LTBP1: variants seen among roughly 807,000 people sequenced by gnomAD.
The protein encoded by LTBP1 is latent-transforming growth factor beta-binding protein 1.
LTBP1 carries 129 observed loss-of-function variants against 207.6 expected under a neutral mutation model. The ratio of observed to expected loss-of-function variants is 0.62; its 90% confidence interval spans 0.54 to 0.72. The LOEUF is 0.72. LTBP1 is among the 30% of genes least tolerant of loss of function. The pLI, the probability that LTBP1 is intolerant of heterozygous loss-of-function variation, is 0.00. For missense variants in LTBP1, 2,281 were observed against 2,217.2 expected (o/e 1.03, Z -0.58); for synonymous variants, 963 against 833.7 (o/e 1.16, Z -2.67).
Position 33,058,490 on chromosome 2 carries a change from T to A in LTBP1, c.863+37284T>A, listed in dbSNP as rs2077114849. 2.6e-5 allele frequency among the ~76,000 whole-genome samples: 4 copies of A among 152,162 alleles called. No individual in the cohort carries two copies. The South Asian group carries it at 8.3e-4, about 32-fold the overall frequency. ...CCTTCCACTGAATCAAAGAGTTGGGTCTTCCTGTTTTCCCTTTTTCTCCCC... is the reference window on the plus strand; with the variant it reads ...CCTTCCACTGAATCAAAGAGTTGGGACTTCCTGTTTTCCCTTTTTCTCCCC... On this transcript the variant is annotated intron_variant, in intron 3 of 33. Transcript: ENST00000404816.
chr2:33,358,559 G>A (rs776143484), intron 26 of LTBP1, among the ~76,000 whole-genome samples: 10 of 151,960 alleles, frequency 6.6e-5, no homozygotes, highest in Non-Finnish European at 8.8e-5. Context: ...AAAGTATTCC[G>A]TTTTGTAATA....
chr2:33,239,863 C>T (rs558378717), intron 9 of LTBP1, among the ~76,000 whole-genome samples: 86 of 151,600 alleles, frequency 5.7e-4, no homozygotes, highest in Non-Finnish European at 1.0e-3. Context: ...GAGATTGTGC[C>T]GCTGTACTCC....
intron 5 of LTBP1, among the ~76,000 whole-genome samples, chr2:33,176,865 T>C (rs578145205): frequency 6.8e-4 from 104 of 152,278 alleles, no homozygotes; most frequent in African/African-American, 2.5e-3. Flanking sequence ...TTTTATATGT[T>C]CTTCTCATTG....
intron 24 of LTBP1, among the ~76,000 whole-genome samples, chr2:33,341,035 T>C (rs905207377): frequency 8.5e-5 from 13 of 152,102 alleles, no homozygotes; most frequent in African/African-American, 2.9e-4. Context: ...AACATAAAAG[T>C]ACAATCTTCA....
chr2:33,208,705 A>G (rs2149240862), intron 7 of LTBP1, among the ~76,000 whole-genome samples: 1 of 152,208 alleles, frequency 6.6e-6, no homozygotes, highest in South Asian at 2.1e-4. Flanking sequence ...AAAATCATAG[A>G]ACTTGGGCAC....
At position 33,292,640 on chromosome 2, in the gene LTBP1, G is replaced by C. The variant is rs144207231; in HGVS notation, c.3113-520G>C. 2.7e-3 allele frequency among the ~76,000 whole-genome samples: 406 copies of C among 152,272 alleles called. 1 individual carries two copies. Among genetic ancestry groups the C allele is most frequent in the African/African-American group, 9.2e-3 (384 of 41,562 alleles). On this transcript the variant is annotated intron_variant, in intron 19 of 33. Transcript: ENST00000404816. ...CCAGTAGGCTTGTGTTTGTCCCTTA[G>C]ATTACTTGGTTTTTATCATATGGAT...
At chr2:32,948,482 T>C (rs1444793931) in intron 1 of LTBP1, among the ~76,000 whole-genome samples, 1 of 152,182 alleles carries the variant, frequency 6.6e-6, no homozygotes, top group Non-Finnish European at 1.5e-5. Flanking sequence ...TCAGGGGTGA[T>C]TCCAGGCCAT....
At chr2:33,034,350 T>C (rs2075820883) in intron 3 of LTBP1, among the ~76,000 whole-genome samples, 1 of 152,158 alleles carries the variant, frequency 6.6e-6, no homozygotes, top group African/African-American at 2.4e-5. Context: ...ATTAATATAA[T>C]TAAGGTATTT....
Position 33,021,225 on chromosome 2 carries a change from C to A in LTBP1, c.863+19C>A. 1 of 1,564,766 alleles carries A rather than the reference C, an allele frequency of 6.4e-7. No individual in the cohort carries two copies. The highest frequency in any genetic ancestry group is 8.7e-7 in the Non-Finnish European group (1 of 1,149,514). Reference sequence around the variant, plus strand: ...ATTCTCAGTGAGTGTTTCGAACTTTCATTTAGCTAAGGATCATCTTAATTA... The same window carrying A: ...ATTCTCAGTGAGTGTTTCGAACTTTAATTTAGCTAAGGATCATCTTAATTA... On this transcript the variant is annotated intron_variant, in intron 3 of 33. Coordinates refer to ENST00000404816, the MANE Select transcript of LTBP1 (RefSeq NM_206943.4).
chr2:33,128,814 C>G (rs925242686), intron 4 of LTBP1, among the ~76,000 whole-genome samples: 1 of 152,110 alleles, frequency 6.6e-6, no homozygotes, highest in Middle Eastern at 3.2e-3. Flanking sequence ...TTTCTTTTTT[C>G]CTCCTTTTTA....
intron 2 of LTBP1, among the ~76,000 whole-genome samples, chr2:32,952,246 A>G (rs1677247026): frequency 6.6e-6 from 1 of 152,212 alleles, no homozygotes; most frequent in African/African-American, 2.4e-5. Context: ...TGAACCTTAA[A>G]TTGCAAATCA....
intron 4 of LTBP1, among the ~76,000 whole-genome samples, chr2:33,118,198 A>C (rs997138886): frequency 2.0e-5 from 3 of 150,692 alleles, no homozygotes; most frequent in Non-Finnish European, 4.4e-5. Context: ...TGCAAAAAAA[A>C]AAAAACAAAA....
At chr2:33,250,241 T>C (rs899661002) in intron 10 of LTBP1, among the ~76,000 whole-genome samples, 14 of 152,200 alleles carry the variant, frequency 9.2e-5, no homozygotes, top group Non-Finnish European at 1.9e-4. Flanking sequence ...CTGTCAGGTA[T>C]ATGTGGCATA....
intron 2 of LTBP1, among the ~76,000 whole-genome samples, chr2:32,988,560 C>T (rs548656833): frequency 1.3e-5 from 2 of 152,248 alleles, no homozygotes; most frequent in African/African-American, 2.4e-5. Flanking sequence ...AAATGAGGCA[C>T]GAGTAATTTT....
chr2:33,273,624 GT>G (rs367614814), intron 15 of LTBP1, 31 bp from the exon 16 acceptor site: 31,054 of 1,562,304 alleles, frequency 0.02, 382 homozygotes, highest in Non-Finnish European at 0.022. Context: ...ATTTCTGTGG[GT>G]TTTTTCACAT....
intron 15 of LTBP1, among the ~76,000 whole-genome samples, chr2:33,266,715 G>C (rs79257768): frequency 0.13 from 19,988 of 152,034 alleles, 1,901 homozygotes; most frequent in African/African-American, 0.27. Context: ...TCAGGATGAC[G>C]TGCCCGCAGA....
chr2:33,348,195 G>A (rs1234385749), intron 26 of LTBP1, among the ~76,000 whole-genome samples: 1 of 152,126 alleles, frequency 6.6e-6, no homozygotes, highest in East Asian at 1.9e-4. Flanking sequence ...CAAGTAAAAT[G>A]AAACATAGAC....
rs900272275 is a variant in LTBP1, at chr2:33,300,702, C to T, written c.3358+129C>T. On this transcript the variant is annotated intron_variant, in intron 21 of 33. Coordinates refer to ENST00000404816, the MANE Select transcript of LTBP1 (RefSeq NM_206943.4). ...TAATTGCATTATAGTGCCAGAAAGC[C>T]AGGACTTAAACATAAGTTAGGAAAG... 10 of 949,882 alleles carry T rather than the reference C, an allele frequency of 1.1e-5. No homozygotes were observed. The African/African-American group carries it at 1.5e-4, about 14-fold the overall frequency. The allele number at this position is 949,882 out of a possible 1,614,324, so 58.8% of individuals were successfully genotyped here. A position where few individuals can be genotyped will look rare whatever the true frequency, so the allele number is the denominator to read the frequency against.
chr2:33,190,274 G>T (rs969170422), intron 7 of LTBP1, among the ~76,000 whole-genome samples: 1 of 152,296 alleles, frequency 6.6e-6, no homozygotes, highest in African/African-American at 2.4e-5. Flanking sequence ...AACCCCTCAT[G>T]AGAAGACTAG....
Sources: allele counts gnomAD v4.1 joint callset (sites outside exome capture counted in the v4.1 genomes callset), GRCh38; gene constraint gnomAD v4.1.1; transcripts MANE v1.5; gene names NCBI Gene and HGNC (gene_info 2026-07-23, HGNC 2026-07-21).